Variants in CNTN1 observed in about 807,000 individuals in gnomAD.
The protein encoded by CNTN1 is contactin-1.
In CNTN1, 38 loss-of-function variants were observed where a neutral mutation model predicts 126.4. The observed-to-expected ratio is 0.30, with a 90% CI of 0.23 to 0.39. The LOEUF (loss-of-function observed/expected upper bound fraction) is 0.39. Among genes scored for constraint, CNTN1 ranks in the 10% least tolerant of loss-of-function variants. The probability of loss-of-function intolerance (pLI) is 1.00; values close to 1 mark genes in which losing one functional copy is unlikely to be tolerated. For missense variants in CNTN1, 1,009 were observed against 1,248.4 expected, an observed-to-expected ratio of 0.81 and a Z score of 2.89; for synonymous variants, 413 against 422.6, an observed-to-expected ratio of 0.98 and a Z score of 0.28.
intron 23 of CNTN1, among the ~76,000 whole-genome samples, chr12:41,057,941 A>G (rs1028537973): frequency 6.6e-6 from 1 of 152,104 alleles, no homozygotes; most frequent in African/African-American, 2.4e-5. Flanking sequence ...AGGAAGAAAA[A>G]GCACTTTGCA....
At chr12:40,741,701 C>T (rs1010979931) in intron 1 of CNTN1, among the ~76,000 whole-genome samples, 1 of 152,146 alleles carries the variant, frequency 6.6e-6, no homozygotes, top group Non-Finnish European at 1.5e-5. Flanking sequence ...AATGCCAAAT[C>T]TCAGAGAAGT....
At chr12:41,027,823 G>A (rs751562407) in intron 21 of CNTN1, 34 bp from the exon 22 acceptor site, 4 of 1,270,982 alleles carry the variant, frequency 3.1e-6, no homozygotes, top group Non-Finnish European at 4.6e-6. Flanking sequence ...ATTGGATATA[G>A]TGACCACTGA....
At chr12:40,977,593 T>G (rs1356863059) in intron 15 of CNTN1, among the ~76,000 whole-genome samples, 1 of 152,108 alleles carries the variant, frequency 6.6e-6, no homozygotes, top group African/African-American at 2.4e-5. Flanking sequence ...CTGGAATGAC[T>G]GACAAAGTAC....
chr12:40,897,173 T>A (rs1243339687), intron 1 of CNTN1, among the ~76,000 whole-genome samples: 1 of 152,192 alleles, frequency 6.6e-6, no homozygotes, highest in African/African-American at 2.4e-5. Context: ...AAATTTTGAG[T>A]CAGAGAGTAT....
At chr12:41,067,734 T>C (rs529670113) in intron 23 of CNTN1, among the ~76,000 whole-genome samples, 14 of 149,496 alleles carry the variant, frequency 9.4e-5, no homozygotes, top group African/African-American at 3.5e-4. Context: ...ACCTGCACAA[T>C]GTGCACATGT....
At chr12:40,769,139 G>A (rs1405932656) in intron 1 of CNTN1, among the ~76,000 whole-genome samples, 1 of 151,710 alleles carries the variant, frequency 6.6e-6, no homozygotes, top group Non-Finnish European at 1.5e-5. Flanking sequence ...GCATCTGTGT[G>A]GAATTATAAA....
chr12:40,884,871 A>C (rs190242753), intron 1 of CNTN1, among the ~76,000 whole-genome samples: 16 of 151,854 alleles, frequency 1.1e-4, no homozygotes, highest in African/African-American at 3.9e-4. Flanking sequence ...ACTTTTATAT[A>C]TACAACTTAA....
chr12:41,018,828 C>T (rs901737451), intron 19 of CNTN1, among the ~76,000 whole-genome samples: 1 of 151,914 alleles, frequency 6.6e-6, no homozygotes, highest in Non-Finnish European at 1.5e-5. Flanking sequence ...TGATGACAAA[C>T]TTATATTCTC....
At chr12:40,806,118 A>C (rs1899827) in intron 1 of CNTN1, among the ~76,000 whole-genome samples, 1 of 151,860 alleles carries the variant, frequency 6.6e-6, no homozygotes, top group Non-Finnish European at 1.5e-5. Context: ...TCGGAGTGCA[A>C]GGATAACAGG....
chr12:40,889,922 A>G (rs1302779475), intron 1 of CNTN1, among the ~76,000 whole-genome samples: 1 of 152,178 alleles, frequency 6.6e-6, no homozygotes, highest in African/African-American at 2.4e-5. Context: ...TTGAAGATTA[A>G]AGGTATTTGT....
chr12:41,038,667 T>C (rs139437431), intron 23 of CNTN1, among the ~76,000 whole-genome samples: 343 of 152,248 alleles, frequency 2.3e-3, no homozygotes, highest in Non-Finnish European at 3.7e-3. Flanking sequence ...GAGAGCAACT[T>C]TCACAAAATA....
At chr12:40,970,399 C>T (rs1252420671) in intron 15 of CNTN1, among the ~76,000 whole-genome samples, 1 of 152,044 alleles carries the variant, frequency 6.6e-6, no homozygotes, top group Non-Finnish European at 1.5e-5. Flanking sequence ...CTTAAAATGT[C>T]AAATGTCTTA....
At chr12:40,970,731 G>A (rs1437434429) in intron 15 of CNTN1, among the ~76,000 whole-genome samples, 2 of 152,036 alleles carry the variant, frequency 1.3e-5, no homozygotes, top group Non-Finnish European at 2.9e-5. Flanking sequence ...TGATTTGCAT[G>A]GTGTGATCTA....
At chr12:40,947,389 G>A (rs550335790) in intron 14 of CNTN1, among the ~76,000 whole-genome samples, 2 of 152,030 alleles carry the variant, frequency 1.3e-5, no homozygotes, top group Non-Finnish European at 2.9e-5. Context: ...GATGTTATAT[G>A]GCAAATGATC....
intron 1 of CNTN1, among the ~76,000 whole-genome samples, chr12:40,768,036 C>G (rs1939186361): frequency 6.6e-6 from 1 of 151,626 alleles, no homozygotes; most frequent in African/African-American, 2.4e-5. Flanking sequence ...CATTTATAGA[C>G]TGATAAAAAT....
intron 1 of CNTN1, among the ~76,000 whole-genome samples, chr12:40,894,159 C>A (rs1244117971): frequency 6.6e-6 from 1 of 152,038 alleles, no homozygotes; most frequent in Non-Finnish European, 1.5e-5. Context: ...TGTTAAATCC[C>A]TAGGACCTTT....
chr12:41,041,523 T>C (rs1371892135), intron 23 of CNTN1, among the ~76,000 whole-genome samples: 3 of 152,240 alleles, frequency 2.0e-5, no homozygotes, highest in South Asian at 2.1e-4. Flanking sequence ...TGGTAGAATT[T>C]GGCTGTGAAT....
chr12:40,910,794 A>G (rs998937387), intron 3 of CNTN1, among the ~76,000 whole-genome samples: 2 of 152,238 alleles, frequency 1.3e-5, no homozygotes, highest in African/African-American at 4.8e-5. Context: ...GATAACTTCT[A>G]GCATAATGAC....
rs1301601741 is a variant in CNTN1 at position 40,933,523 on chromosome 12, G to A, written c.766G>A (p.Gly256Ser). 2 of 1,611,822 alleles carry A rather than the reference G, an allele frequency of 1.2e-6. No homozygotes were observed. Among genetic ancestry groups the A allele is most frequent in the South Asian group, 1.1e-5 (1 of 91,026 alleles). Residue 256 changes from glycine (G) to serine (S), a missense_variant, in exon 8 of 24, where the codon GGC (glycine) becomes AGC (serine). Transcript: ENST00000551295. The stretch of plus-strand genomic sequence containing the variant: ...GTTCAAGGATGTATATGCATTGATG[G>A]GCCAAAATGTGACCTTAGAATGTTT... ...VQFKDVYALMGQNVTLECFAL... is the reference protein window; with the variant it reads ...VQFKDVYALMSQNVTLECFAL...
Sources: allele counts gnomAD v4.1 joint callset (sites outside exome capture counted in the v4.1 genomes callset), GRCh38; gene constraint gnomAD v4.1.1; transcripts MANE v1.5; gene names NCBI Gene and HGNC (gene_info 2026-07-23, HGNC 2026-07-21).